KLRG1: variants seen among roughly 807,000 people sequenced by gnomAD.
KLRG1 encodes the protein killer cell lectin-like receptor subfamily G member 1.
Under a neutral mutation model 21.8 loss-of-function variants are expected in KLRG1, and 16 were observed. The observed-to-expected ratio is 0.73, with a 90% CI of 0.50 to 1.11. The LOEUF is 1.11. KLRG1 is among the 50% of genes most tolerant of loss of function. KLRG1 has a pLI of 0.00. For missense variants in KLRG1, 173 were observed against 218.3 expected (o/e 0.79, Z 1.31); for synonymous variants, 69 against 75.9 (o/e 0.91, Z 0.47).
At chr12:8,973,476 C>G (rs866558885) in intron 1 of KLRG1, among the ~76,000 whole-genome samples, 1 of 152,132 alleles carries the variant, frequency 6.6e-6, no homozygotes, top group Admixed American at 6.5e-5. Context: ...AACAAGTGTT[C>G]ATTCGCTCTG....
At chr12:9,074,917 C>T in the KLRG1 span, 1 of 978,212 alleles carries the variant, frequency 1.0e-6, no homozygotes, top group East Asian at 2.6e-5. Flanking sequence ...AGATGCTTTT[C>T]CCTTCATGTA....
At chr12:8,966,497 A>G (rs1394215335) in intron 1 of KLRG1, among the ~76,000 whole-genome samples, 5 of 151,654 alleles carry the variant, frequency 3.3e-5, no homozygotes, top group Non-Finnish European at 5.9e-5. Flanking sequence ...TACAAGAAAA[A>G]AACAACCCCA....
chr12:9,200,298 G>T, the KLRG1 span: 87 of 1,072,024 alleles, frequency 8.1e-5, 1 homozygote, highest in East Asian at 2.1e-3. Context: ...TTATAATTTT[G>T]TACCTACATA....
the KLRG1 span, among the ~76,000 whole-genome samples, chr12:9,094,442 A>G: frequency 6.7e-6 from 1 of 149,914 alleles, no homozygotes. Flanking sequence ...TTTATAAATA[A>G]TAAAATATGC....
intron 1 of KLRG1, among the ~76,000 whole-genome samples, chr12:8,967,312 G>A (rs1946491950): frequency 6.6e-6 from 1 of 152,000 alleles, no homozygotes; most frequent in Non-Finnish European, 1.5e-5. Context: ...TTGTGCATAT[G>A]TACCCTAAAA....
the KLRG1 span, among the ~76,000 whole-genome samples, chr12:9,205,282 A>G: frequency 3.3e-5 from 5 of 151,904 alleles, no homozygotes; most frequent in African/African-American, 1.2e-4. Flanking sequence ...CCCACTCCAT[A>G]TTTTCCTGTC....
At chr12:9,109,337 C>T in the KLRG1 span, 2 of 1,612,678 alleles carry the variant, frequency 1.2e-6, no homozygotes, top group East Asian at 2.2e-5. Flanking sequence ...CACACTGATA[C>T]ATTCATCTCT....
chr12:9,093,137 C>T, the KLRG1 span, among the ~76,000 whole-genome samples: 5 of 152,030 alleles, frequency 3.3e-5, no homozygotes, highest in African/African-American at 7.3e-5. Context: ...GTTGAAGTTA[C>T]GTAGGATGAA....
chr12:9,079,159 T>C, the KLRG1 span: 3 of 1,010,296 alleles, frequency 3.0e-6, no homozygotes, highest in South Asian at 4.4e-5. Context: ...ACATATCTGA[T>C]AGTGTTGCTG....
At chr12:9,211,164 T>A in the KLRG1 span, among the ~76,000 whole-genome samples, 2 of 152,196 alleles carry the variant, frequency 1.3e-5, no homozygotes, top group African/African-American at 4.8e-5. Context: ...TTTACATTTT[T>A]CTTCCAGTAT....
the KLRG1 span, among the ~76,000 whole-genome samples, chr12:9,040,356 C>G: frequency 6.6e-6 from 1 of 152,142 alleles, no homozygotes; most frequent in African/African-American, 2.4e-5. Flanking sequence ...TTGGGCTATC[C>G]AAGTCAGGAA....
the KLRG1 span, chr12:9,069,687 G>A: frequency 3.6e-5 from 48 of 1,349,144 alleles, no homozygotes; most frequent in Non-Finnish European, 6.2e-6. Flanking sequence ...CTTCCCAGAT[G>A]TTCCCTTAGA....
At chr12:8,960,406 G>T (rs12423746) in intron 1 of KLRG1, among the ~76,000 whole-genome samples, 55,044 of 152,082 alleles carry the variant, frequency 0.36, 11,213 homozygotes, top group Middle Eastern at 0.47. Flanking sequence ...CACTTCAAAG[G>T]AGTAGGCAGA....
chr12:9,046,343 T>A, the KLRG1 span, among the ~76,000 whole-genome samples: 1 of 152,144 alleles, frequency 6.6e-6, no homozygotes, highest in Non-Finnish European at 1.5e-5. Context: ...ATACTTGAAG[T>A]AATAATGACT....
At chr12:8,987,571 C>A (rs1256288633), upstream of KLRG1, 1 of 152,182 alleles carries the variant, frequency 6.6e-6, no homozygotes, top group Non-Finnish European at 1.5e-5. Flanking sequence ...CAAGTGAATA[C>A]AAGAATATTC....
the KLRG1 span, chr12:9,150,796 C>A: frequency 1.8e-6 from 2 of 1,125,660 alleles, no homozygotes; most frequent in Admixed American, 1.8e-5. Context: ...CTCCTTCTTT[C>A]TCCCATGAGC....
chr12:8,999,958 C>A (rs898788661), intron 3 of KLRG1, among the ~76,000 whole-genome samples: 7 of 152,020 alleles, frequency 4.6e-5, no homozygotes, highest in African/African-American at 1.7e-4. Flanking sequence ...TCACTTGAGC[C>A]CCGGAGGCAG....
the KLRG1 span, among the ~76,000 whole-genome samples, chr12:9,078,660 G>C: frequency 6.6e-6 from 1 of 152,178 alleles, no homozygotes; most frequent in Non-Finnish European, 1.5e-5. Flanking sequence ...CAAGTAATTT[G>C]AATGTACTTA....
At chr12:9,021,001 T>TA in the KLRG1 span, among the ~76,000 whole-genome samples, 3 of 152,328 alleles carry the variant, frequency 2.0e-5, no homozygotes, top group Non-Finnish European at 4.4e-5. Context: ...GTTACTGTAC[T>TA]AAATACTGTG....
Sources: allele counts gnomAD v4.1 joint callset (sites outside exome capture counted in the v4.1 genomes callset), GRCh38; gene constraint gnomAD v4.1.1; transcripts MANE v1.5; gene names NCBI Gene and HGNC (gene_info 2026-07-23, HGNC 2026-07-21).